MRTFB: variants seen among roughly 807,000 people sequenced by gnomAD.
The protein encoded by MRTFB is myocardin related transcription factor B.
MRTFB carries 29 observed loss-of-function variants against 104.2 expected under a neutral mutation model. The observed-to-expected ratio is 0.28, with a 90% CI of 0.21 to 0.38. The LOEUF (loss-of-function observed/expected upper bound fraction) is 0.38. MRTFB is among the 10% of genes least tolerant of loss of function. The pLI is 1.00. For synonymous variants in MRTFB, 535 were observed against 519.5 expected (o/e 1.03, Z -0.41); for missense variants, 1,270 against 1,341.6 (o/e 0.95, Z 0.83).
At chr16:14,226,529 T>G (rs2042010319) in intron 8 of MRTFB, among the ~76,000 whole-genome samples, 1 of 152,176 alleles carries the variant, frequency 6.6e-6, no homozygotes, top group Non-Finnish European at 1.5e-5. Flanking sequence ...AGGCAAAAAT[T>G]GACTCCATAG....
the MRTFB span, among the ~76,000 whole-genome samples, chr16:14,057,928 C>A: frequency 6.6e-6 from 1 of 152,216 alleles, no homozygotes; most frequent in Admixed American, 6.5e-5. Flanking sequence ...CAGAGGCCCA[C>A]GGGCCTGTTT....
chr16:14,214,038 T>G (rs1032132699), intron 6 of MRTFB, among the ~76,000 whole-genome samples: 5 of 152,168 alleles, frequency 3.3e-5, no homozygotes, highest in Admixed American at 3.3e-4. Context: ...CATTTTCTCT[T>G]TATTGCCACT....
the MRTFB span, among the ~76,000 whole-genome samples, chr16:14,039,238 G>A: frequency 6.6e-6 from 1 of 152,202 alleles, no homozygotes; most frequent in Non-Finnish European, 1.5e-5. Flanking sequence ...CTTATCATAT[G>A]GGCCTCTGTA....
chr16:14,171,031 G>A (rs2039404019), intron 3 of MRTFB, among the ~76,000 whole-genome samples: 1 of 152,166 alleles, frequency 6.6e-6, no homozygotes, highest in South Asian at 2.1e-4. Context: ...TGCTCAAAGT[G>A]TCTCAGATTT....
intron 2 of MRTFB, among the ~76,000 whole-genome samples, chr16:14,085,396 G>T (rs1031228074): frequency 1.4e-5 from 2 of 146,396 alleles, no homozygotes; most frequent in African/African-American, 5.2e-5. Flanking sequence ...GGTGGAGGTT[G>T]CAGTGAGCCG....
chr16:13,996,834 T>C, the MRTFB span, among the ~76,000 whole-genome samples: 1 of 152,202 alleles, frequency 6.6e-6, no homozygotes, highest in South Asian at 2.1e-4. Context: ...GACGGCTCTC[T>C]GTAGAAGGTG....
chr16:14,255,414 AT>A lies in MRTFB; in HGVS notation c.2704-2685del, dbSNP rs150226745. Among the ~76,000 whole-genome samples the A allele has an allele frequency of 1.6e-4, 24 of 152,392 alleles. No individual in the cohort carries two copies. The East Asian group carries it at 4.0e-3, about 26-fold the overall frequency. On this transcript the variant is annotated intron_variant, in intron 15 of 16. Coordinates refer to ENST00000571589, the MANE Select transcript of MRTFB (RefSeq NM_001308142.2). ...TTCACACAGAGCAAACAACTAATTG[AT>A]TAATGTCAACCTTTCATCAAAAACT...
intron 3 of MRTFB, among the ~76,000 whole-genome samples, chr16:14,165,427 A>G (rs758645654): frequency 2.6e-5 from 4 of 152,108 alleles, no homozygotes; most frequent in Non-Finnish European, 5.9e-5. Flanking sequence ...TTCTTCAGTG[A>G]CACCAATTTG....
At chr16:14,022,992 A>G in the MRTFB span, among the ~76,000 whole-genome samples, 3 of 150,478 alleles carry the variant, frequency 2.0e-5, no homozygotes, top group Non-Finnish European at 4.4e-5. Flanking sequence ...CACTGTGCCC[A>G]GCCTAATGCT....
At chr16:14,112,276 G>A (rs1213011430) in intron 2 of MRTFB, among the ~76,000 whole-genome samples, 1 of 152,192 alleles carries the variant, frequency 6.6e-6, no homozygotes, top group Non-Finnish European at 1.5e-5. Context: ...GAGATAGCTA[G>A]GAGGCAGTGG....
At chr16:14,154,577 A>T (rs2038757174) in intron 3 of MRTFB, among the ~76,000 whole-genome samples, 1 of 152,170 alleles carries the variant, frequency 6.6e-6, no homozygotes, top group South Asian at 2.1e-4. Context: ...TTAAACCATA[A>T]CAGCCAAATG....
At chr16:14,037,692 A>G in the MRTFB span, among the ~76,000 whole-genome samples, 1 of 152,144 alleles carries the variant, frequency 6.6e-6, no homozygotes, top group Non-Finnish European at 1.5e-5. Context: ...GAAAAGGTCT[A>G]ACTGGGGCTG....
At chr16:14,244,197 G>A (rs188265300) in intron 10 of MRTFB, among the ~76,000 whole-genome samples, 2 of 152,210 alleles carry the variant, frequency 1.3e-5, no homozygotes, top group East Asian at 1.9e-4. Context: ...GTACACCTAC[G>A]TGCATCTTTG....
chr16:14,122,595 C>G (rs1269608065), intron 2 of MRTFB, among the ~76,000 whole-genome samples: 1 of 152,132 alleles, frequency 6.6e-6, no homozygotes, highest in Non-Finnish European at 1.5e-5. Flanking sequence ...TCATCCATGT[C>G]CCTGCAAAGG....
At chr16:14,035,517 A>G in the MRTFB span, among the ~76,000 whole-genome samples, 3 of 152,202 alleles carry the variant, frequency 2.0e-5, no homozygotes, top group Admixed American at 1.3e-4. Context: ...TAAAAATATG[A>G]AAACTAATAA....
At chr16:14,125,643 C>CT (rs1256344355) in intron 2 of MRTFB, among the ~76,000 whole-genome samples, 3 of 152,112 alleles carry the variant, frequency 2.0e-5, no homozygotes, top group African/African-American at 7.2e-5. Context: ...CCTTCTAAAT[C>CT]TTTTTCTTTT....
At chr16:14,257,578 T>C (rs920834660) in intron 15 of MRTFB, among the ~76,000 whole-genome samples, 1 of 150,168 alleles carries the variant, frequency 6.7e-6, no homozygotes, top group Non-Finnish European at 1.5e-5. Context: ...GGGGGTTGCC[T>C]ACGGATGAGG....
chr16:14,217,311 T>G, intron 7 of MRTFB, 24 bp downstream of exon 7: 1 of 1,566,688 alleles, frequency 6.4e-7, no homozygotes, highest in Non-Finnish European at 8.6e-7. Context: ...AATTTACTAT[T>G]TGGGGTGAGA....
chr16:14,162,604 A>G (rs1325725261), intron 3 of MRTFB, among the ~76,000 whole-genome samples: 3 of 152,222 alleles, frequency 2.0e-5, no homozygotes, highest in Non-Finnish European at 4.4e-5. Flanking sequence ...CGAAAATAAG[A>G]TTGGGCAAAG....
Sources: gnomAD v4.1 joint callset for allele counts (sites outside exome capture counted in the v4.1 genomes callset) on GRCh38, gnomAD v4.1.1 for gene constraint, MANE v1.5 for transcripts, NCBI Gene and HGNC (gene_info 2026-07-23, HGNC 2026-07-21) for gene names.